Variants in FUBP3 observed in about 807,000 individuals in gnomAD.
The protein encoded by FUBP3 is far upstream element binding protein 3.
Under a neutral mutation model 85.6 loss-of-function variants are expected in FUBP3, and 28 were observed. The ratio of observed to expected loss-of-function variants is 0.33; its 90% CI spans 0.24 to 0.45. FUBP3 has a LOEUF of 0.45. Ranked by LOEUF, FUBP3 falls within the 20% of genes least tolerant of loss-of-function variation. The probability of loss-of-function intolerance (pLI) is 1.00; values close to 1 mark genes in which losing one functional copy is unlikely to be tolerated. For missense variants in FUBP3, 583 were observed against 755.1 expected (o/e 0.77, Z 2.67); for synonymous variants, 271 against 271.4 (o/e 1.00, Z 0.01).
At chr9:130,606,722 A>G (rs1831470744) in intron 2 of FUBP3, among the ~76,000 whole-genome samples, 1 of 151,958 alleles carries the variant, frequency 6.6e-6, no homozygotes, top group Non-Finnish European at 1.5e-5. Context: ...CGGGAAGCTG[A>G]GGTAGGAGAA....
chr9:130,613,428 C>A (rs1325675403), intron 5 of FUBP3, among the ~76,000 whole-genome samples: 1 of 152,188 alleles, frequency 6.6e-6, no homozygotes, highest in Non-Finnish European at 1.5e-5. Flanking sequence ...CTGTCCCTTC[C>A]CTTTGTGGGA....
Position 130,612,905 on chromosome 9 carries a change from G to T in FUBP3, c.275-51G>T. ...GAATTAATTCAGTCATTCCTGCGTG[G>T]TGAAATATGGAATAGGGGCGTGTAT... On this transcript the variant is annotated intron_variant, in intron 4 of 18. Transcript: ENST00000319725. The surrounding 1 kb of genome is among the most constrained non-coding windows in gnomAD (Gnocchi z 4.1). The T allele has an allele frequency of 8.3e-7, 1 of 1,199,862 alleles. No homozygotes were observed. Among genetic ancestry groups the T allele is most frequent in the Non-Finnish European group, 1.2e-6 (1 of 805,336 alleles). 74.3% of individuals were successfully genotyped at this position (1,199,862 alleles called of 1,614,324 possible). A position where few individuals can be genotyped will look rare whatever the true frequency, so the allele number is the denominator to read the frequency against.
intron 18 of FUBP3, among the ~76,000 whole-genome samples, chr9:130,636,497 C>A (rs886084342): frequency 6.6e-6 from 1 of 152,214 alleles, no homozygotes; most frequent in Non-Finnish European, 1.5e-5. Context: ...CGACTGCTCT[C>A]GAGGAGGGTG....
intron 1 of FUBP3, among the ~76,000 whole-genome samples, chr9:130,587,892 T>C (rs1239427422): frequency 1.3e-5 from 2 of 152,204 alleles, no homozygotes; most frequent in African/African-American, 4.8e-5. Flanking sequence ...GGTGATCTGC[T>C]AACACAAATG....
intron 2 of FUBP3, among the ~76,000 whole-genome samples, chr9:130,600,223 G>C (rs1412671975): frequency 6.7e-6 from 1 of 149,006 alleles, no homozygotes; most frequent in Non-Finnish European, 1.5e-5. Flanking sequence ...TTTGCCCTCT[G>C]CTCAGGGCAG....
intron 9 of FUBP3, among the ~76,000 whole-genome samples, chr9:130,621,450 A>G (rs73549920): frequency 0.23 from 35,339 of 152,196 alleles, 4,966 homozygotes; most frequent in African/African-American, 0.4. Context: ...TACAGTTAAC[A>G]CCACTGTAAC....
chr9:130,626,967 A>G (rs1830003904), intron 12 of FUBP3, among the ~76,000 whole-genome samples: 1 of 152,198 alleles, frequency 6.6e-6, no homozygotes, highest in Non-Finnish European at 1.5e-5. Flanking sequence ...ACATGTGAAA[A>G]TGGTTTTTAT....
At chr9:130,631,033 A>AG in intron 13 of FUBP3, 1 of 741,898 alleles carries the variant, frequency 1.3e-6, no homozygotes, top group Non-Finnish European at 1.8e-6. Flanking sequence ...CCGAGGCCCC[A>AG]GAGCCGTTCC....
Position 130,616,431 on chromosome 9 carries a change from A to C in FUBP3, c.481A>C (p.Asn161His). ...TGGCTTTCATAATGACATAGACAGCAACAGCACAATCCAGGAGATTCTCAT... is the reference window on the plus strand; with the variant it reads ...TGGCTTTCATAATGACATAGACAGCCACAGCACAATCCAGGAGATTCTCAT... ...GPGFHNDIDS[N>H]STIQEILIPA... Residue 161 changes from asparagine to histidine, a missense_variant, in exon 7 of 19, where the codon AAC becomes CAC. Physicochemically the swap from Asn to His is moderately conservative, Grantham distance 68 (BLOSUM62 1). Coordinates refer to ENST00000319725, the MANE Select transcript of FUBP3 (RefSeq NM_003934.2). The surrounding 1 kb of genome is among the most constrained non-coding windows in gnomAD (Gnocchi z 4.7). The C allele has an allele frequency of 6.2e-7, 1 of 1,614,016 alleles. No individual in the cohort carries two copies. Among genetic ancestry groups the C allele is most frequent in the Non-Finnish European group, 8.5e-7 (1 of 1,179,876 alleles).
chr9:130,600,931 G>A lies in FUBP3; in HGVS notation c.190+5343G>A, dbSNP rs562760868. On this transcript the variant is annotated intron_variant, in intron 2 of 18. Coordinates refer to ENST00000319725, the MANE Select transcript of FUBP3 (RefSeq NM_003934.2). ...GTCAAGACCACAGTAAGCAGTGATC[G>A]CACCACTGCACTCCGCTTGGGTGAC... is the stretch of plus-strand genomic sequence containing the variant. Among the ~76,000 whole-genome samples the A allele has an allele frequency of 1.9e-4, 29 of 152,136 alleles. No individual in the cohort carries two copies. In the South Asian group the frequency reaches 5.8e-3, roughly 31 times the overall value.
intron 16 of FUBP3, 92 bp from the exon 17 acceptor site, chr9:130,634,575 G>A (rs1037547586): frequency 3.1e-6 from 3 of 975,084 alleles, no homozygotes; most frequent in African/African-American, 3.2e-5. Flanking sequence ...GAGCGAGGTG[G>A]AGGAGTGCAG....
Position 130,636,140 on chromosome 9 carries a change from C to T in FUBP3, c.1710+14C>T. On this transcript the variant is annotated intron_variant, in intron 18 of 18. Coordinates refer to ENST00000319725, the MANE Select transcript of FUBP3 (RefSeq NM_003934.2). ...GCCCACAGCCAGGTCTGTAGCTGAT[C>T]ACCAGCACCGCTGCCACTCCCTAGC... 4 of 1,611,538 alleles carry T rather than the reference C, an allele frequency of 2.5e-6. No homozygotes were observed. Among genetic ancestry groups the T allele is most frequent in the Non-Finnish European group, 3.4e-6 (4 of 1,178,650 alleles).
intron 1 of FUBP3, among the ~76,000 whole-genome samples, chr9:130,583,823 C>G (rs1212783741): frequency 6.6e-6 from 1 of 152,124 alleles, no homozygotes; most frequent in Non-Finnish European, 1.5e-5. Context: ...AGTAAATAAA[C>G]TATATATTCC....
intron 8 of FUBP3, among the ~76,000 whole-genome samples, chr9:130,620,146 G>C (rs866450030): frequency 6.6e-6 from 1 of 152,160 alleles, no homozygotes; most frequent in Non-Finnish European, 1.5e-5. Flanking sequence ...ACCCTTCCCC[G>C]TGTGGACATT....
Position 130,637,499 on chromosome 9 carries a change from T to A in FUBP3, c.*477T>A, listed in dbSNP as rs187746496. 9 of 166,036 alleles carry A rather than the reference T, an allele frequency of 5.4e-5. No homozygotes were observed. The East Asian group carries it at 1.4e-3, about 26-fold the overall frequency. The allele number at this position is 166,036 out of a possible 1,614,324, so 10.3% of individuals were successfully genotyped here. ...ATTTAATGTTTTACTTCTAATTTCT[T>A]GTATCTTGGCTGTCTGGTTTTATTG... is the stretch of plus-strand genomic sequence containing the variant. On this transcript the variant is annotated 3_prime_UTR_variant, in exon 19 of 19. Coordinates refer to ENST00000319725, the MANE Select transcript of FUBP3 (RefSeq NM_003934.2).
intron 12 of FUBP3, among the ~76,000 whole-genome samples, chr9:130,628,800 G>A (rs540850662): frequency 4.0e-5 from 6 of 151,776 alleles, no homozygotes; most frequent in East Asian, 1.9e-4. Flanking sequence ...ATGGAGTTTC[G>A]CTTTTGTTGC....
intron 14 of FUBP3, 25 bp from the exon 15 acceptor site, chr9:130,631,917 T>A: frequency 6.4e-7 from 1 of 1,555,482 alleles, no homozygotes; most frequent in Non-Finnish European, 8.9e-7. Context: ...GCGCTCAGTC[T>A]GTTGTTTCTT....
At chr9:130,591,307 G>A (rs1374889783) in intron 1 of FUBP3, among the ~76,000 whole-genome samples, 1 of 152,130 alleles carries the variant, frequency 6.6e-6, no homozygotes, top group African/African-American at 2.4e-5. Flanking sequence ...TCCAGGCATG[G>A]TGGCGCATGC....
chr9:130,632,941 C>A (rs542644650), intron 16 of FUBP3, among the ~76,000 whole-genome samples: 1 of 152,278 alleles, frequency 6.6e-6, no homozygotes, highest in East Asian at 1.9e-4. Context: ...GATCCACGTT[C>A]TTTTGACCCA....
Sources: allele counts gnomAD v4.1 joint callset (sites outside exome capture counted in the v4.1 genomes callset), GRCh38; gene constraint gnomAD v4.1.1; non-coding constraint Gnocchi (gnomAD v3.1); transcripts MANE v1.5; gene names NCBI Gene and HGNC (gene_info 2026-07-23, HGNC 2026-07-21).